The following CELSR1 variants were observed in gnomAD, a reference collection of about 807,000 sequenced individuals.
CELSR1 encodes the protein adhesion G protein-coupled receptor C1.
A neutral mutation model predicts 249.1 loss-of-function variants in CELSR1; 110 were observed. The observed-to-expected ratio is 0.44, with a 90% CI of 0.38 to 0.52. The LOEUF (loss-of-function observed/expected upper bound fraction) is 0.52, where lower values mean the gene tolerates loss of function less well. Ranked by LOEUF, CELSR1 falls within the 20% of genes least tolerant of loss-of-function variation. The pLI is 0.00. For missense variants in CELSR1, 4,109 were observed against 4,296.4 expected, an observed-to-expected ratio of 0.96 and a Z score of 1.22; for synonymous variants, 2,113 against 1,900.0, an observed-to-expected ratio of 1.11 and a Z score of -2.92.
chr22:46,533,131 C>T (rs1259076155), intron 1 of CELSR1, among the ~76,000 whole-genome samples: 4 of 152,204 alleles, frequency 2.6e-5, no homozygotes, highest in Non-Finnish European at 5.9e-5. Context: ...AAAAGCCAGA[C>T]CAAGGGAACA....
At chr22:46,463,279 G>C (rs904275462) in intron 2 of CELSR1, among the ~76,000 whole-genome samples, 1 of 152,210 alleles carries the variant, frequency 6.6e-6, no homozygotes, top group Non-Finnish European at 1.5e-5. Flanking sequence ...TCTCTGGGAG[G>C]CTGAGGCGGG....
At chr22:46,369,590 T>C in intron 26 of CELSR1, 102 bp downstream of exon 26, 1 of 1,047,212 alleles carries the variant, frequency 9.5e-7, no homozygotes, top group East Asian at 2.5e-5. Flanking sequence ...CTGCCCCCCG[T>C]CGGCTGCTCA....
rs1021388057 is a variant in CELSR1 at position 46,417,307 on chromosome 22, C to T, written c.4612-5548G>A. Among the ~76,000 whole-genome samples, 4 of 152,300 alleles carry T rather than the reference C, an allele frequency of 2.6e-5. No homozygotes were observed. The South Asian group carries it at 6.2e-4, about 24-fold the overall frequency. On this transcript the variant is annotated intron_variant, in intron 5 of 34. Transcript: ENST00000674500. This position sits in a 1 kb window ranked among gnomAD's most constrained non-coding sequence, Gnocchi z 4.1. ...GGAAGGGTCACGAGGAGCAAATTCACGCAGATGCACGCAGCCTTCCAGAAT... is the reference window on the plus strand; with the variant it reads ...GGAAGGGTCACGAGGAGCAAATTCATGCAGATGCACGCAGCCTTCCAGAAT...
At position 46,411,941 on chromosome 22, in the gene CELSR1, T is replaced by G. The variant is rs753846287; in HGVS notation, c.4612-182A>C. 9.2e-5 allele frequency among the ~76,000 whole-genome samples: 14 copies of G among 152,184 alleles called. No individual in the cohort carries two copies. The highest frequency in any genetic ancestry group is 1.9e-4 in the Non-Finnish European group (13 of 68,034). Reference sequence around the variant, plus strand: ...CTGTGCTGGGCTGCTCAATGCCCCCTCAAGTTCTGCTTCCCAGAATCTCAG... The same window carrying G: ...CTGTGCTGGGCTGCTCAATGCCCCCGCAAGTTCTGCTTCCCAGAATCTCAG... On this transcript the variant is annotated intron_variant, in intron 5 of 34. Transcript: ENST00000674500. This position sits in a 1 kb window ranked among gnomAD's most constrained non-coding sequence, Gnocchi z 4.2.
rs531506431 is a variant in CELSR1, at chr22:46,506,837, G to C, written c.3544+26790C>G. Reference sequence around the variant, plus strand: ...CCAAGCCCGGGGGTGTCTTCTCCACGGTCTGTCACCCGCACCACCAGGACA... The same window carrying C: ...CCAAGCCCGGGGGTGTCTTCTCCACCGTCTGTCACCCGCACCACCAGGACA... On this transcript the variant is annotated intron_variant, in intron 1 of 34. Coordinates refer to ENST00000674500, the MANE Select transcript of CELSR1 (RefSeq NM_001378328.1). The surrounding 1 kb of genome is among the most constrained non-coding windows in gnomAD (Gnocchi z 4.1). Among the ~76,000 whole-genome samples the C allele has an allele frequency of 7.2e-5, 11 of 152,238 alleles. No individual in the cohort carries two copies. The highest frequency in any genetic ancestry group is 6.5e-4 in the Admixed American group (10 of 15,292).
chr22:46,387,803 G>A lies in CELSR1; in HGVS notation c.6556-1218C>T, dbSNP rs1230866705. Among the ~76,000 whole-genome samples, 14 of 152,210 alleles carry A rather than the reference G, an allele frequency of 9.2e-5. No individual in the cohort carries two copies. In the East Asian group the frequency reaches 2.1e-3, roughly 23 times the overall value. ...GGTTTTTCCACGTATACCCCAAGAC[G>A]CTAAGGCAGGGAAGACATGTGGCGA... On this transcript the variant is annotated intron_variant, in intron 18 of 34. Transcript: ENST00000674500.
rs1254307674 is a variant in CELSR1 at position 46,433,061 on chromosome 22, C to G, written c.4611+332G>C. ...TTTTTTTTTTAGATGGAATTTCGCT[C>G]TGTTACCCAGGCTGGAATACAGTGG... On this transcript the variant is annotated intron_variant, in intron 5 of 34. Transcript: ENST00000674500. This position sits in a 1 kb window ranked among gnomAD's most constrained non-coding sequence, Gnocchi z 5.7. Among the ~76,000 whole-genome samples the G allele has an allele frequency of 6.6e-6, 1 of 151,788 alleles. No homozygotes were observed. Among genetic ancestry groups the G allele is most frequent in the Non-Finnish European group, 1.5e-5 (1 of 67,968 alleles).
Position 46,536,531 on chromosome 22 carries a change from G to C in CELSR1, c.640C>G (p.Pro214Ala), listed in dbSNP as rs574101146. Reference sequence around the variant, plus strand: ...AAGTTCGGCGGCAGGGGCGGCGATGGGGATGGCGACGCGGAGGGCGTCCCC... The same window carrying C: ...AAGTTCGGCGGCAGGGGCGGCGATGCGGATGGCGACGCGGAGGGCGTCCCC... Reference protein sequence around the residue: ...TAGTPSASPSPSPPLPPNLPE... With the variant: ...TAGTPSASPSASPPLPPNLPE... The change falls in exon 1 of 35, where the codon CCA becomes GCA. Residue 214 changes from proline to alanine, a missense_variant. Pro to Ala is a conservative substitution (Grantham distance 27, BLOSUM62 -1). This residue lies in a region of CELSR1 where 673 missense variants were observed against 636.8 expected (regional missense o/e 1.06). Coordinates refer to ENST00000674500, the MANE Select transcript of CELSR1 (RefSeq NM_001378328.1). 3 of 1,423,704 alleles carry C rather than the reference G, an allele frequency of 2.1e-6. No homozygotes were observed. The highest frequency in any genetic ancestry group is 2.7e-6 in the Non-Finnish European group (3 of 1,096,030). The allele number at this position is 1,423,704 out of a possible 1,614,324, so 88.2% of individuals were successfully genotyped here.
rs780240166 is a variant in CELSR1 at position 46,386,385 on chromosome 22, C to T, written c.6739+17G>A. 36 of 1,530,118 alleles carry T rather than the reference C, an allele frequency of 2.4e-5. No individual in the cohort carries two copies. The highest frequency in any genetic ancestry group is 7.9e-5 in the Admixed American group (4 of 50,758). The allele number at this position is 1,530,118 out of a possible 1,614,324, so 94.8% of individuals were successfully genotyped here. A position where few individuals can be genotyped will look rare whatever the true frequency, so the allele number is the denominator to read the frequency against. ...GATGGTAGCAGGGTTCCACCCCCAACGCAGCCAGCGCCTTACTCATGTTGG... is the reference window on the plus strand; with the variant it reads ...GATGGTAGCAGGGTTCCACCCCCAATGCAGCCAGCGCCTTACTCATGTTGG... On this transcript the variant is annotated intron_variant, in intron 19 of 34. Coordinates refer to ENST00000674500, the MANE Select transcript of CELSR1 (RefSeq NM_001378328.1).
At chr22:46,378,096 C>G (rs529326151) in intron 23 of CELSR1, among the ~76,000 whole-genome samples, 7 of 152,238 alleles carry the variant, frequency 4.6e-5, no homozygotes, top group African/African-American at 1.7e-4. Context: ...GGCTCACATT[C>G]CCAGGCCGCT....
At chr22:46,415,573 C>T (rs2079390118) in intron 5 of CELSR1, among the ~76,000 whole-genome samples, 1 of 151,860 alleles carries the variant, frequency 6.6e-6, no homozygotes, top group Admixed American at 6.6e-5. Flanking sequence ...ACTAGAAGCC[C>T]CTTTAAAGCT....
In CELSR1 at chr22:46,441,213, G is replaced by A. The variant is rs1184223166; in HGVS notation, c.4184-1802C>T. Among the ~76,000 whole-genome samples the A allele has an allele frequency of 2.0e-5, 3 of 151,794 alleles. No individual in the cohort carries two copies. The highest frequency in any genetic ancestry group is 4.4e-5 in the Non-Finnish European group (3 of 67,984). ...GGAACTGGGGGGACATCCAATGTGA[G>A]GATACTCAGTGCATAACCCAGCATA... On this transcript the variant is annotated intron_variant, in intron 2 of 34. Transcript: ENST00000674500. This position sits in a 1 kb window ranked among gnomAD's most constrained non-coding sequence, Gnocchi z 6.1.
rs750854815 is a variant in CELSR1 at position 46,411,634 on chromosome 22, G to A, written c.4737C>T (p.Cys1579=). ...AGCCGGTCTGAGTGCCCTGGGCAGC[G>A]CAGCTGTAGTTCCCGATGTCCTTTC... ...RFGKDIGNYS[C]AAQGTQTGSK... Residue 1579 remains cysteine (C), a synonymous_variant, in exon 6 of 35, where the codon TGC becomes TGT. Transcript: ENST00000674500. This position sits in a 1 kb window ranked among gnomAD's most constrained non-coding sequence, Gnocchi z 4.2. 39 of 1,614,176 alleles carry A rather than the reference G, an allele frequency of 2.4e-5. No homozygotes were observed. The highest frequency in any genetic ancestry group is 1.6e-4 in the Middle Eastern group (1 of 6,062).
At chr22:46,403,750 A>G (rs2079233071) in intron 9 of CELSR1, among the ~76,000 whole-genome samples, 1 of 151,956 alleles carries the variant, frequency 6.6e-6, no homozygotes. Flanking sequence ...AGGCAGACAG[A>G]TCACCTGAGG....
intron 1 of CELSR1, among the ~76,000 whole-genome samples, chr22:46,476,394 G>A (rs541920510): frequency 1.3e-5 from 2 of 152,120 alleles, no homozygotes; most frequent in South Asian, 2.1e-4. Flanking sequence ...TCAGGAGTTC[G>A]AGACCAGCCT....
In CELSR1 at chr22:46,398,115, G is replaced by A. The variant is rs957392953; in HGVS notation, c.5527-267C>T. On this transcript the variant is annotated intron_variant, in intron 11 of 34. Transcript: ENST00000674500. The surrounding 1 kb of genome is among the most constrained non-coding windows in gnomAD (Gnocchi z 7.2). ...GGCGTGAGGAGTGGATGTCCCTGCC[G>A]AGGGGGCTGAGAGCTGAACGACTCA... Among the ~76,000 whole-genome samples the A allele has an allele frequency of 3.9e-5, 6 of 152,120 alleles. No individual in the cohort carries two copies. Among genetic ancestry groups the A allele is most frequent in the East Asian group, 3.9e-4 (2 of 5,178 alleles).
chr22:46,394,654 G>A (rs146278724), intron 13 of CELSR1, among the ~76,000 whole-genome samples: 2 of 152,340 alleles, frequency 1.3e-5, no homozygotes, highest in Admixed American at 6.5e-5. Flanking sequence ...GCCAGCATGA[G>A]ATGCCCGCAG....
At chr22:46,505,318 T>C (rs2080505162) in intron 1 of CELSR1, among the ~76,000 whole-genome samples, 1 of 139,244 alleles carries the variant, frequency 7.2e-6, no homozygotes, top group South Asian at 2.5e-4. Flanking sequence ...GAACGCAAGG[T>C]CTGCAATCAA....
chr22:46,524,666 C>T (rs2080721545), intron 1 of CELSR1, among the ~76,000 whole-genome samples: 1 of 152,082 alleles, frequency 6.6e-6, no homozygotes, highest in African/African-American at 2.4e-5. Flanking sequence ...CACTAAAAGG[C>T]TGCTGTGGGG....
Sources: allele counts gnomAD v4.1 joint callset (sites outside exome capture counted in the v4.1 genomes callset), GRCh38; gene constraint gnomAD v4.1.1; regional missense constraint gnomAD v4.1.1; non-coding constraint Gnocchi (gnomAD v3.1); transcripts MANE v1.5; gene names NCBI Gene and HGNC (gene_info 2026-07-23, HGNC 2026-07-21).